Variants in RFX3 observed in about 807,000 individuals in gnomAD.
The protein encoded by RFX3 is transcription factor RFX3.
In RFX3, 14 loss-of-function variants were observed where a neutral mutation model predicts 98.6. The observed-to-expected ratio is 0.14, with a 90% CI of 0.09 to 0.22. The LOEUF is 0.22. Ranked by LOEUF, RFX3 falls within the 10% of genes least tolerant of loss-of-function variation. The pLI is 1.00. For synonymous variants in RFX3, 383 were observed against 328.4 expected, an observed-to-expected ratio of 1.17 and a Z score of -1.80; for missense variants, 639 against 926.9, an observed-to-expected ratio of 0.69 and a Z score of 4.03.
At position 3,301,409 on chromosome 9, in the gene RFX3, A is replaced by G. The variant is rs1377048808; in HGVS notation, c.549+137T>C. On this transcript the variant is annotated intron_variant, in intron 5 of 16. Coordinates refer to ENST00000617270, the MANE Select transcript of RFX3 (RefSeq NM_001282116.2). ...CTGTACAAAATAGCCATTAAATGAC[A>G]CAGAGATCATAAGGGGCTGAGAAGG... The G allele has an allele frequency of 7.5e-6, 4 of 534,596 alleles. No individual in the cohort carries two copies. The African/African-American group carries it at 7.5e-5, about 10-fold the overall frequency. 33.1% of individuals were successfully genotyped at this position (534,596 alleles called of 1,614,324 possible).
intron 1 of RFX3, among the ~76,000 whole-genome samples, chr9:3,437,091 T>C (rs946093619): frequency 6.6e-6 from 1 of 152,118 alleles, no homozygotes; most frequent in African/African-American, 2.4e-5. Context: ...GTCAAAAACA[T>C]TCTTGCTGTA....
At chr9:3,295,196 C>G (rs530374076) in intron 5 of RFX3, among the ~76,000 whole-genome samples, 2 of 151,700 alleles carry the variant, frequency 1.3e-5, no homozygotes, top group South Asian at 4.2e-4. Context: ...AACAGGGGGA[C>G]AGCATGTCTC....
At chr9:3,504,978 T>C (rs1422889403) in intron 1 of RFX3, among the ~76,000 whole-genome samples, 1 of 76,736 alleles carries the variant, frequency 1.3e-5, no homozygotes, top group Non-Finnish European at 2.2e-5. Context: ...ATATATTATA[T>C]AATATATATG....
At chr9:3,363,592 T>C (rs1051031937) in intron 2 of RFX3, among the ~76,000 whole-genome samples, 3 of 152,350 alleles carry the variant, frequency 2.0e-5, no homozygotes, top group African/African-American at 7.2e-5. Context: ...GCTAACACTA[T>C]TATTAATAGT....
intron 1 of RFX3, among the ~76,000 whole-genome samples, chr9:3,508,122 T>C (rs1475344451): frequency 6.6e-6 from 1 of 151,952 alleles, no homozygotes; most frequent in Admixed American, 6.6e-5. Context: ...AAAAACCTTC[T>C]TTTTAGAGGA....
chr9:3,523,573 TCAGA>T (rs1007529903), intron 1 of RFX3, among the ~76,000 whole-genome samples: 5 of 152,210 alleles, frequency 3.3e-5, no homozygotes, highest in Admixed American at 2.6e-4. Context: ...AAAAAAGTTC[TCAGA>T]CACTGTAAAT....
At chr9:3,504,958 T>TTATATA (rs1816752369) in intron 1 of RFX3, among the ~76,000 whole-genome samples, 5 of 60,486 alleles carry the variant, frequency 8.3e-5, no homozygotes, top group Non-Finnish European at 4.8e-5. Flanking sequence ...TAATATATAT[T>TTATATA]ATATATAATA....
chr9:3,337,384 T>G (rs1210924934), intron 3 of RFX3, among the ~76,000 whole-genome samples: 1 of 152,164 alleles, frequency 6.6e-6, no homozygotes, highest in African/African-American at 2.4e-5. Context: ...GCACAAGAGG[T>G]GCATTTGGAA....
chr9:3,251,731 A>T (rs1331117404), intron 14 of RFX3, among the ~76,000 whole-genome samples: 4 of 152,206 alleles, frequency 2.6e-5, no homozygotes, highest in African/African-American at 9.6e-5. Context: ...ATACAGAAAA[A>T]CAATACTGAG....
chr9:3,336,863 T>A (rs1395253528), intron 3 of RFX3, among the ~76,000 whole-genome samples: 2 of 152,148 alleles, frequency 1.3e-5, no homozygotes, highest in African/African-American at 4.8e-5. Flanking sequence ...AGAATAAGAA[T>A]CATTTTTAGA....
intron 4 of RFX3, among the ~76,000 whole-genome samples, chr9:3,325,983 G>A (rs1831867996): frequency 6.6e-6 from 1 of 152,052 alleles, no homozygotes; most frequent in South Asian, 2.1e-4. Flanking sequence ...ATGTGCTACT[G>A]AAATATTAAC....
chr9:3,437,202 A>T lies in RFX3; in HGVS notation c.-8-41606T>A, dbSNP rs1228917937. Among the ~76,000 whole-genome samples, 5 of 152,072 alleles carry T rather than the reference A, an allele frequency of 3.3e-5. No individual in the cohort carries two copies. In the South Asian group the frequency reaches 1.0e-3, roughly 31 times the overall value. ...TCTGCAAAGGGCTCCTGCTTGCAGAATTAAGCCAGCTTTAGTTGGCACACT... is the reference window on the plus strand; with the variant it reads ...TCTGCAAAGGGCTCCTGCTTGCAGATTTAAGCCAGCTTTAGTTGGCACACT... On this transcript the variant is annotated intron_variant, in intron 1 of 16. Coordinates refer to ENST00000617270, the MANE Select transcript of RFX3 (RefSeq NM_001282116.2).
chr9:3,225,707 T>A (rs1223941059), intron 16 of RFX3, among the ~76,000 whole-genome samples: 1 of 152,162 alleles, frequency 6.6e-6, no homozygotes, highest in South Asian at 2.1e-4. Flanking sequence ...CTACACTAAA[T>A]ATAAATTTTA....
chr9:3,366,765 T>C (rs1837253697), intron 2 of RFX3, among the ~76,000 whole-genome samples: 1 of 149,108 alleles, frequency 6.7e-6, no homozygotes, highest in African/African-American at 2.5e-5. Context: ...TGGCTATTCT[T>C]ATGTACATTC....
intron 1 of RFX3, among the ~76,000 whole-genome samples, chr9:3,487,300 T>C (rs1221070458): frequency 6.6e-6 from 1 of 152,240 alleles, no homozygotes; most frequent in Non-Finnish European, 1.5e-5. Context: ...TTTACTAATG[T>C]CATTTTAAGC....
At position 3,229,569 on chromosome 9, in the gene RFX3, A is replaced by T. The variant is rs146528116; in HGVS notation, c.1969-680T>A. Among the ~76,000 whole-genome samples, 1,350 of 152,322 alleles carry T rather than the reference A, an allele frequency of 8.9e-3. 15 individuals are homozygous for T. The highest frequency in any genetic ancestry group is 0.031 in the African/African-American group (1,285 of 41,582). On this transcript the variant is annotated intron_variant, in intron 15 of 16. Coordinates refer to ENST00000617270, the MANE Select transcript of RFX3 (RefSeq NM_001282116.2). The stretch of plus-strand genomic sequence containing the variant: ...TAACTTTTAGTTCAATAGTTTGATA[A>T]TTTTCCAATGAGAAAACACATTTTG...
chr9:3,357,855 G>A (rs1004054424), intron 2 of RFX3, among the ~76,000 whole-genome samples: 13 of 151,936 alleles, frequency 8.6e-5, no homozygotes, highest in Non-Finnish European at 1.8e-4. Flanking sequence ...ATGTATCCCC[G>A]AAATATGAAC....
intron 2 of RFX3, among the ~76,000 whole-genome samples, chr9:3,378,779 C>G (rs1310152472): frequency 1.3e-5 from 2 of 151,972 alleles, no homozygotes; most frequent in Non-Finnish European, 1.5e-5. Flanking sequence ...TGGTTTCAAA[C>G]TCCTGACCTC....
intron 1 of RFX3, among the ~76,000 whole-genome samples, chr9:3,456,292 A>G (rs182539979): frequency 1.3e-5 from 2 of 152,332 alleles, no homozygotes; most frequent in East Asian, 3.9e-4. Flanking sequence ...GTCTCTTCAT[A>G]TGAATTTCTT....
Sources: gnomAD v4.1 joint callset for allele counts (sites outside exome capture counted in the v4.1 genomes callset) on GRCh38, gnomAD v4.1.1 for gene constraint, MANE v1.5 for transcripts, NCBI Gene and HGNC (gene_info 2026-07-23, HGNC 2026-07-21) for gene names.